The following COL4A3 variants were observed in gnomAD, a reference collection of about 807,000 sequenced individuals.
COL4A3 encodes the protein collagen type IV alpha 3 chain.
In COL4A3, 135 loss-of-function variants were observed where a neutral mutation model predicts 217.4. The ratio of observed to expected loss-of-function variants is 0.62; its 90% CI spans 0.54 to 0.72. COL4A3 has a LOEUF of 0.72. COL4A3 is among the 30% of genes least tolerant of loss of function. COL4A3 has a pLI of 0.00. For synonymous variants in COL4A3, 690 were observed against 736.3 expected, an observed-to-expected ratio of 0.94 and a Z score of 1.02; for missense variants, 1,868 against 2,119.9, an observed-to-expected ratio of 0.88 and a Z score of 2.33.
In COL4A3 at chr2:227,304,150, G is replaced by C; in HGVS notation, c.4153+6G>C. 1 of 1,613,784 alleles carries C rather than the reference G, an allele frequency of 6.2e-7. No individual in the cohort carries two copies. Among genetic ancestry groups the C allele is most frequent in the Non-Finnish European group, 8.5e-7 (1 of 1,179,928 alleles). Reference sequence around the variant, plus strand: ...AGGGCCACCTGGAAACCTAGGTGTGGGACTGGCAGCATTGACTTGGATCAC... The same window carrying C: ...AGGGCCACCTGGAAACCTAGGTGTGCGACTGGCAGCATTGACTTGGATCAC... On this transcript the variant is annotated splice_donor_region_variant and intron_variant, in intron 46 of 51. Coordinates refer to ENST00000396578, the MANE Select transcript of COL4A3 (RefSeq NM_000091.5).
chr2:227,248,596 C>T lies in COL4A3; in HGVS notation c.546+76C>T, dbSNP rs544930411. On this transcript the variant is annotated intron_variant, in intron 9 of 51. Coordinates refer to ENST00000396578, the MANE Select transcript of COL4A3 (RefSeq NM_000091.5). ...TCTCTCTTTTCGCCTCTCTTTACTT[C>T]GTCTCTCTTTTCCCCCATAAGTCCC... 2.7e-5 allele frequency: 26 copies of T among 968,490 alleles called. 1 individual carries two copies. The highest frequency in any genetic ancestry group is 2.5e-4 in the South Asian group (19 of 76,492). 60.0% of individuals were successfully genotyped at this position (968,490 alleles called of 1,614,324 possible). A position where few individuals can be genotyped will look rare whatever the true frequency, so the allele number is the denominator to read the frequency against.
intron 1 of COL4A3, among the ~76,000 whole-genome samples, chr2:227,222,195 C>T (rs1456367763): frequency 6.7e-6 from 1 of 150,170 alleles, no homozygotes; most frequent in African/African-American, 2.4e-5. Flanking sequence ...TCCTTAAGCA[C>T]CCTTGACATA....
At chr2:227,178,462 A>G (rs1000388178) in intron 1 of COL4A3, among the ~76,000 whole-genome samples, 4 of 152,210 alleles carry the variant, frequency 2.6e-5, no homozygotes, top group African/African-American at 4.8e-5. Context: ...TATTAAAGTC[A>G]TTTTTTAAAT....
chr2:227,264,484 T>C (rs2070774357), intron 21 of COL4A3, among the ~76,000 whole-genome samples: 1 of 152,062 alleles, frequency 6.6e-6, no homozygotes, highest in South Asian at 2.1e-4. Flanking sequence ...GGCAACATGC[T>C]ATGAGGTAAA....
chr2:227,311,020 G>C (rs1474337852), intron 51 of COL4A3, 72 bp downstream of exon 51: 3 of 1,547,580 alleles, frequency 1.9e-6, no homozygotes, highest in African/African-American at 1.4e-5. Flanking sequence ...TGTGTTCTTG[G>C]GTCAACGAGT....
chr2:227,301,049 G>A (rs2073265516), intron 43 of COL4A3, among the ~76,000 whole-genome samples: 1 of 152,122 alleles, frequency 6.6e-6, no homozygotes, highest in South Asian at 2.1e-4. Context: ...ACGGAGGTCT[G>A]GTTTTCTAGA....
chr2:227,252,711 G>C (rs1020436457), intron 11 of COL4A3, among the ~76,000 whole-genome samples: 3 of 152,052 alleles, frequency 2.0e-5, no homozygotes, highest in Admixed American at 2.0e-4. Context: ...GGTTTAAAGT[G>C]TTTTGATCTA....
rs367763401 is a variant in COL4A3, at chr2:227,222,122, CTAATAATAATAA to C, written c.88-15814_88-15803del. On this transcript the variant is annotated intron_variant, in intron 1 of 51. Coordinates refer to ENST00000396578, the MANE Select transcript of COL4A3 (RefSeq NM_000091.5). ...TGGACAACATACGGAGACACTGTCT[CTAATAATAATAA>C]TAATAATAATAATAATAATAATAAT... 7.4e-3 allele frequency among the ~76,000 whole-genome samples: 783 copies of C among 105,270 alleles called. 2 individuals carry two copies. Among genetic ancestry groups the C allele is most frequent in the Middle Eastern group, 0.033 (8 of 240 alleles). 69.1% of individuals were successfully genotyped at this position (105,270 alleles called of 152,430 possible).
chr2:227,196,886 C>T (rs1187126016), intron 1 of COL4A3, among the ~76,000 whole-genome samples: 1 of 147,012 alleles, frequency 6.8e-6, no homozygotes, highest in African/African-American at 2.5e-5. Context: ...TGTCCCCACC[C>T]AAATCTCATC....
In COL4A3 at chr2:227,203,362, CATATATGTGTATACATACATATATGTGT is replaced by C. The variant is rs1341862280; in HGVS notation, c.88-34574_88-34547del. 1.9e-4 allele frequency among the ~76,000 whole-genome samples: 5 copies of C among 25,804 alleles called. 2 individuals carry two copies. The highest frequency in any genetic ancestry group is 8.3e-4 in the East Asian group (1 of 1,200). 16.9% of individuals were successfully genotyped at this position (25,804 alleles called of 152,430 possible). A position where few individuals can be genotyped will look rare whatever the true frequency, so the allele number is the denominator to read the frequency against. Reference sequence around the variant, plus strand: ...ATATGTGTATATATGTGTATATATACATATATGTGTATACATACATATATGTGTATATATGTGTATACATACATATATG... The same window carrying C: ...ATATGTGTATATATGTGTATATATACATATATGTGTATACATACATATATG... On this transcript the variant is annotated intron_variant, in intron 1 of 51. Coordinates refer to ENST00000396578, the MANE Select transcript of COL4A3 (RefSeq NM_000091.5).
intron 1 of COL4A3, among the ~76,000 whole-genome samples, chr2:227,177,168 C>A (rs868510530): frequency 3.3e-4 from 47 of 140,416 alleles, no homozygotes; most frequent in African/African-American, 1.2e-3. Context: ...TTTTTTTCTC[C>A]AGATGGAGTC....
At chr2:227,231,979 G>A (rs947603707) in intron 1 of COL4A3, among the ~76,000 whole-genome samples, 8 of 151,708 alleles carry the variant, frequency 5.3e-5, no homozygotes, top group African/African-American at 1.9e-4. Context: ...TAAGCTTCTG[G>A]TAACCATTCT....
intron 26 of COL4A3, among the ~76,000 whole-genome samples, chr2:227,274,887 T>G (rs116171584): frequency 0.018 from 2,810 of 152,334 alleles, 70 homozygotes; most frequent in African/African-American, 0.065. Flanking sequence ...TGTATGATCC[T>G]CAAGCTAAGA....
chr2:227,241,354 T>G (rs1247345259), intron 3 of COL4A3, among the ~76,000 whole-genome samples: 1 of 152,202 alleles, frequency 6.6e-6, no homozygotes, highest in East Asian at 1.9e-4. Flanking sequence ...TATACAGGTC[T>G]TTTACAAATT....
Position 227,257,597 on chromosome 2 carries a change from C to G in COL4A3, c.988-6C>G. On this transcript the variant is annotated splice_region_variant and splice_polypyrimidine_tract_variant and intron_variant, in intron 17 of 51. Coordinates refer to ENST00000396578, the MANE Select transcript of COL4A3 (RefSeq NM_000091.5). Reference sequence around the variant, plus strand: ...ATTCACAATTTGTAAATGTCTTTCACTGTAGGGACAGAAAGGGGACATTGG... The same window carrying G: ...ATTCACAATTTGTAAATGTCTTTCAGTGTAGGGACAGAAAGGGGACATTGG... 6.2e-7 allele frequency: 1 copy of G among 1,613,438 alleles called. No individual in the cohort carries two copies. Among genetic ancestry groups the G allele is most frequent in the Non-Finnish European group, 8.5e-7 (1 of 1,179,382 alleles).
At chr2:227,173,603 T>C (rs2065570125) in intron 1 of COL4A3, among the ~76,000 whole-genome samples, 1 of 152,218 alleles carries the variant, frequency 6.6e-6, no homozygotes. Flanking sequence ...TCTGTTTCCA[T>C]GCTATACAAT....
At chr2:227,306,485 G>T (rs1220276905) in intron 47 of COL4A3, among the ~76,000 whole-genome samples, 1 of 152,082 alleles carries the variant, frequency 6.6e-6, no homozygotes, top group Non-Finnish European at 1.5e-5. Flanking sequence ...ATGAGGGCAG[G>T]GGTTAGGAAA....
chr2:227,294,963 G>A lies in COL4A3; in HGVS notation c.3419-1G>A. On this transcript the variant is annotated splice_acceptor_variant, in intron 39 of 51. Coordinates refer to ENST00000396578, the MANE Select transcript of COL4A3 (RefSeq NM_000091.5). LOFTEE classifies it high-confidence loss of function. ...TTTTGGGTTTTTTTTTTTTTTTTCA[G>A]GTCTTCCAGGATTTCCAGGATCTCC... The A allele has an allele frequency of 6.5e-7, 1 of 1,550,034 alleles. No individual in the cohort carries two copies.
At chr2:227,177,030 A>G (rs2065696616) in intron 1 of COL4A3, among the ~76,000 whole-genome samples, 1 of 152,172 alleles carries the variant, frequency 6.6e-6, no homozygotes, top group African/African-American at 2.4e-5. Context: ...CATATTACCC[A>G]AAGAGGATTA....
Sources: allele counts gnomAD v4.1 joint callset (sites outside exome capture counted in the v4.1 genomes callset), GRCh38; gene constraint gnomAD v4.1.1; transcripts MANE v1.5; gene names NCBI Gene and HGNC (gene_info 2026-07-23, HGNC 2026-07-21).